Variants in CSRP2 observed in about 807,000 individuals in gnomAD.
The protein encoded by CSRP2 is cysteine and glycine rich protein 2, also known as cysteine and glycine-rich protein 2.
A neutral mutation model predicts 24.6 loss-of-function variants in CSRP2; 18 were observed. The ratio of observed to expected loss-of-function variants is 0.73; its 90% CI spans 0.51 to 1.09. The LOEUF (loss-of-function observed/expected upper bound fraction) is 1.09. CSRP2 is among the 50% of genes least tolerant of loss of function. The pLI, the probability that CSRP2 is intolerant of heterozygous loss-of-function variation, is 0.00. For missense variants in CSRP2, 215 were observed against 239.4 expected, an observed-to-expected ratio of 0.90 and a Z score of 0.67; for synonymous variants, 87 against 84.3, an observed-to-expected ratio of 1.03 and a Z score of -0.18.
chr12:76,867,449 C>T (rs1953746868), intron 1 of CSRP2, among the ~76,000 whole-genome samples: 2 of 151,868 alleles, frequency 1.3e-5, no homozygotes, highest in South Asian at 4.2e-4. Context: ...GCGGAGGTTG[C>T]ACTGAGCGAA....
intron 4 of CSRP2, 145 bp from the exon 5 acceptor site, chr12:76,859,785 C>T: frequency 3.3e-6 from 2 of 611,622 alleles, no homozygotes; most frequent in South Asian, 4.5e-5. Context: ...AGGCTGAAAC[C>T]AGTCCTCAGT....
chr12:76,873,240 G>T (rs1953819265), intron 1 of CSRP2, among the ~76,000 whole-genome samples: 1 of 152,182 alleles, frequency 6.6e-6, no homozygotes. Context: ...ATAAAATACA[G>T]TCTCATCTTG....
At chr12:76,867,699 C>T (rs1389133959) in intron 1 of CSRP2, among the ~76,000 whole-genome samples, 1 of 152,126 alleles carries the variant, frequency 6.6e-6, no homozygotes, top group East Asian at 1.9e-4. Flanking sequence ...GCAGCCCTTG[C>T]CTGTTAGGTC....
At chr12:76,863,433 G>GTTC in intron 2 of CSRP2, 89 bp from the exon 3 acceptor site, 1 of 1,336,534 alleles carries the variant, frequency 7.5e-7, no homozygotes, top group Non-Finnish European at 1.0e-6. Flanking sequence ...GCCTACAAAT[G>GTTC]GTGAAGGCTG....
At chr12:76,866,822 G>A (rs981303732) in intron 1 of CSRP2, among the ~76,000 whole-genome samples, 1 of 152,120 alleles carries the variant, frequency 6.6e-6, no homozygotes, top group African/African-American at 2.4e-5. Flanking sequence ...GAAATTACAC[G>A]ATTGTAGCAT....
chr12:76,872,052 T>C (rs1030537180), intron 1 of CSRP2, among the ~76,000 whole-genome samples: 5 of 152,190 alleles, frequency 3.3e-5, no homozygotes, highest in African/African-American at 1.2e-4. Flanking sequence ...TACAGAATGG[T>C]AAAAGCAAAA....
At chr12:76,873,742 C>A (rs1565829466) in intron 1 of CSRP2, among the ~76,000 whole-genome samples, 2 of 152,146 alleles carry the variant, frequency 1.3e-5, no homozygotes, top group South Asian at 4.1e-4. Context: ...AATGTTCTAA[C>A]CTTTGTTATC....
rs926408378 is a variant in CSRP2 at position 76,859,022 on chromosome 12, T to C, written c.512A>G (p.Tyr171Cys). 6 of 1,614,002 alleles carry C rather than the reference T, an allele frequency of 3.7e-6. No individual in the cohort carries two copies. The highest frequency in any genetic ancestry group is 4.2e-6 in the Non-Finnish European group (5 of 1,179,968). The change falls in exon 6 of 6, where the codon TAT becomes TGT. Residue 171 changes from tyrosine (Y) to cysteine (C), a missense_variant. Coordinates refer to ENST00000311083, the MANE Select transcript of CSRP2 (RefSeq NM_001321.3). ...TCCCTTGGGCCCAAAGTTCTTTGCATAGCATCCTACAAAGGAAAGGGAGGA... is the reference window on the plus strand; with the variant it reads ...TCCCTTGGGCCCAAAGTTCTTTGCACAGCATCCTACAAAGGAAAGGGAGGA... ...KEGEIYCKGC[Y>C]AKNFGPKGFG...
chr12:76,859,461 T>C (rs977406538), intron 5 of CSRP2, 86 bp downstream of exon 5: 11 of 901,976 alleles, frequency 1.2e-5, no homozygotes, highest in East Asian at 2.6e-5. Context: ...CTTTTCTTTT[T>C]TTTTTTTTAA....
chr12:76,863,690 T>C (rs1474122877), intron 2 of CSRP2: 7 of 185,056 alleles, frequency 3.8e-5, no homozygotes, highest in Non-Finnish European at 7.8e-5. Flanking sequence ...TGGGAGATCA[T>C]ATTAAGGGAG....
At chr12:76,876,614 C>T (rs151120736) in intron 1 of CSRP2, among the ~76,000 whole-genome samples, 1 of 152,262 alleles carries the variant, frequency 6.6e-6, no homozygotes, top group East Asian at 1.9e-4. Context: ...GAAACCCCAC[C>T]TAGGTAATCA....
rs753542236 is a variant in CSRP2, at chr12:76,866,265, A to G, written c.-1-4T>C. The G allele has an allele frequency of 2.5e-6, 4 of 1,608,846 alleles. No individual in the cohort carries two copies. The highest frequency in any genetic ancestry group is 3.4e-6 in the Non-Finnish European group (4 of 1,175,312). On this transcript the variant is annotated splice_region_variant and splice_polypyrimidine_tract_variant and intron_variant, in intron 1 of 5. Coordinates refer to ENST00000311083, the MANE Select transcript of CSRP2 (RefSeq NM_001321.3). ...TCCACCTCCCCAGACAGGCATTCTG[A>G]AGGAATAAAGGATTCATTAGAATGT...
intron 3 of CSRP2, chr12:76,861,690 A>G (rs1482005974): frequency 6.6e-6 from 1 of 152,180 alleles, no homozygotes; most frequent in Non-Finnish European, 1.5e-5. Context: ...AATGTAGTAC[A>G]TACTGCAGTA....
At position 76,858,710 on chromosome 12, in the gene CSRP2, C is replaced by A; in HGVS notation, c.*242G>T. The A allele has an allele frequency of 2.7e-6, 1 of 367,886 alleles. No homozygotes were observed. Among genetic ancestry groups the A allele is most frequent in the East Asian group, 4.5e-5 (1 of 22,182 alleles). The allele number at this position is 367,886 out of a possible 1,614,324, so 22.8% of individuals were successfully genotyped here. A position where few individuals can be genotyped will look rare whatever the true frequency, so the allele number is the denominator to read the frequency against. ...AGATTAATTAAAAGACAATGAACACCCAAATCAAGCTGAAGTTTTATTTAA... is the reference window on the plus strand; with the variant it reads ...AGATTAATTAAAAGACAATGAACACACAAATCAAGCTGAAGTTTTATTTAA... On this transcript the variant is annotated 3_prime_UTR_variant, in exon 6 of 6. Transcript: ENST00000311083.
At chr12:76,862,813 G>A (rs762253282) in intron 3 of CSRP2, 11 of 1,484,514 alleles carry the variant, frequency 7.4e-6, no homozygotes, top group Non-Finnish European at 9.8e-6. Context: ...TGCTTACATT[G>A]CACATGAGAA....
At chr12:76,863,546 G>A (rs1953705481) in intron 2 of CSRP2, 2 of 481,296 alleles carry the variant, frequency 4.2e-6, no homozygotes, top group Non-Finnish European at 7.3e-6. Context: ...TTCCTCCATG[G>A]ATATGACAGT....
chr12:76,860,511 C>G (rs1245188461), intron 3 of CSRP2, 98 bp from the exon 4 acceptor site: 26 of 1,412,944 alleles, frequency 1.8e-5, no homozygotes, highest in Middle Eastern at 1.8e-4. Flanking sequence ...TTAACCGCTA[C>G]ACTGCCTCAA....
chr12:76,871,735 G>A (rs1318191973), intron 1 of CSRP2, among the ~76,000 whole-genome samples: 4 of 148,718 alleles, frequency 2.7e-5, no homozygotes, highest in South Asian at 2.1e-4. Context: ...CTGCAGTCCC[G>A]CCTGGGTGAA....
At chr12:76,862,878 CG>C (rs201995984) in intron 3 of CSRP2, 24,997 of 1,530,848 alleles carry the variant, frequency 0.016, 247 homozygotes, top group Non-Finnish European at 0.02. Flanking sequence ...TCATGACATC[CG>C]GTCTCCAAGG....
Sources: allele counts gnomAD v4.1 joint callset (sites outside exome capture counted in the v4.1 genomes callset), GRCh38; gene constraint gnomAD v4.1.1; transcripts MANE v1.5; gene names NCBI Gene and HGNC (gene_info 2026-07-23, HGNC 2026-07-21).